RORB: variants seen among roughly 807,000 people sequenced by gnomAD.
RORB encodes RAR related orphan receptor B.
Under a neutral mutation model 59.1 loss-of-function variants are expected in RORB, and 6 were observed. The observed-to-expected ratio is 0.10, with a 90% CI of 0.06 to 0.20. RORB has a LOEUF of 0.20. Ranked by LOEUF, RORB falls within the 10% of genes least tolerant of loss-of-function variation. The pLI is 1.00. For synonymous variants in RORB, 215 were observed against 204.5 expected, an observed-to-expected ratio of 1.05 and a Z score of -0.44; for missense variants, 320 against 560.5, an observed-to-expected ratio of 0.57 and a Z score of 4.33.
intron 3 of RORB, among the ~76,000 whole-genome samples, chr9:74,640,485 A>G (rs545673915): frequency 3.2e-4 from 49 of 151,998 alleles, no homozygotes; most frequent in South Asian, 1.9e-3. Flanking sequence ...GGGTTTCACC[A>G]CGTTAGCCAG....
intron 1 of RORB, among the ~76,000 whole-genome samples, chr9:74,606,242 A>G (rs963641853): frequency 6.6e-6 from 1 of 152,238 alleles, no homozygotes; most frequent in African/African-American, 2.4e-5. Context: ...TCAGAAAATG[A>G]AGACAATGAA....
chr9:74,576,013 AGT>A (rs1822629365), intron 1 of RORB, among the ~76,000 whole-genome samples: 1 of 152,086 alleles, frequency 6.6e-6, no homozygotes, highest in South Asian at 2.1e-4. Context: ...AAACCAAAGG[AGT>A]GTGTTTCCAG....
intron 3 of RORB, among the ~76,000 whole-genome samples, chr9:74,641,274 T>A (rs1442213899): frequency 1.3e-5 from 2 of 152,174 alleles, no homozygotes; most frequent in Non-Finnish European, 2.9e-5. Context: ...TCACAACAGT[T>A]CAGGAGGTTA....
intron 1 of RORB, among the ~76,000 whole-genome samples, chr9:74,506,738 T>A (rs1284595353): frequency 6.6e-6 from 1 of 152,098 alleles, no homozygotes; most frequent in Non-Finnish European, 1.5e-5. Flanking sequence ...TTAGCATGAA[T>A]CTCATCTTCA....
chr9:74,583,574 T>C (rs866724888), intron 1 of RORB, among the ~76,000 whole-genome samples: 1 of 151,772 alleles, frequency 6.6e-6, no homozygotes, highest in Non-Finnish European at 1.5e-5. Context: ...TGCCAAATGA[T>C]TGTTTTGTCC....
intron 1 of RORB, among the ~76,000 whole-genome samples, chr9:74,566,140 G>A (rs1193464967): frequency 6.6e-6 from 1 of 152,154 alleles, no homozygotes; most frequent in Admixed American, 6.5e-5. Context: ...CACCTCAAAC[G>A]ATGAAAGGAA....
At chr9:74,563,105 G>C (rs1326998188) in intron 1 of RORB, among the ~76,000 whole-genome samples, 1 of 149,538 alleles carries the variant, frequency 6.7e-6, no homozygotes. Context: ...CAATAATGTT[G>C]TTTTTAGCAA....
At chr9:74,563,931 A>T (rs1159896254) in intron 1 of RORB, among the ~76,000 whole-genome samples, 1 of 152,226 alleles carries the variant, frequency 6.6e-6, no homozygotes, top group African/African-American at 2.4e-5. Context: ...GATGTGCTTC[A>T]TAAGTGCCAG....
At chr9:74,590,655 G>T (rs1192750496) in intron 1 of RORB, among the ~76,000 whole-genome samples, 1 of 152,190 alleles carries the variant, frequency 6.6e-6, no homozygotes, top group Non-Finnish European at 1.5e-5. Context: ...AGCCAGCTAG[G>T]GGTTCTGTCT....
At chr9:74,541,279 CAAA>C (rs374556016) in intron 1 of RORB, among the ~76,000 whole-genome samples, 64 of 43,538 alleles carry the variant, frequency 1.5e-3, no homozygotes, top group African/African-American at 1.0e-2. Context: ...GACTCCATCT[CAAA>C]AAAAAAAAAA....
At chr9:74,611,549 T>G (rs774332810) in intron 1 of RORB, among the ~76,000 whole-genome samples, 1 of 152,168 alleles carries the variant, frequency 6.6e-6, no homozygotes, top group African/African-American at 2.4e-5. Flanking sequence ...TTAGGGGAAA[T>G]CATGAGAGTA....
At chr9:74,678,791 T>C (rs1397792677) in intron 9 of RORB, among the ~76,000 whole-genome samples, 1 of 151,990 alleles carries the variant, frequency 6.6e-6, no homozygotes, top group Non-Finnish European at 1.5e-5. Flanking sequence ...ATCCCAGCAT[T>C]TGGGAGGCCG....
intron 1 of RORB, among the ~76,000 whole-genome samples, chr9:74,509,859 GA>G (rs202192044): frequency 4.6e-5 from 7 of 151,080 alleles, no homozygotes; most frequent in African/African-American, 1.5e-4. Flanking sequence ...GCATTATAAA[GA>G]AAAAAAAATT....
chr9:74,594,270 G>A (rs941561999), intron 1 of RORB, among the ~76,000 whole-genome samples: 3 of 152,148 alleles, frequency 2.0e-5, no homozygotes, highest in African/African-American at 7.2e-5. Context: ...GTGCATGTAT[G>A]AACACTGCAT....
At chr9:74,514,412 C>A (rs542798874) in intron 1 of RORB, among the ~76,000 whole-genome samples, 1 of 152,046 alleles carries the variant, frequency 6.6e-6, no homozygotes, top group African/African-American at 2.4e-5. Context: ...TAGCCACAGT[C>A]AATGTGTAAA....
chr9:74,600,801 AATAATGT>A (rs1255070812), intron 1 of RORB, among the ~76,000 whole-genome samples: 5 of 152,200 alleles, frequency 3.3e-5, no homozygotes, highest in Admixed American at 3.3e-4. Flanking sequence ...GAATATCTAA[AATAATGT>A]ATAGTTTACC....
chr9:74,501,532 C>T (rs1825803674), intron 1 of RORB, among the ~76,000 whole-genome samples: 1 of 152,096 alleles, frequency 6.6e-6, no homozygotes, highest in African/African-American at 2.4e-5. Context: ...TTAATAATTG[C>T]TCATTAAGTA....
intron 1 of RORB, among the ~76,000 whole-genome samples, chr9:74,598,743 T>C (rs1823010686): frequency 6.6e-6 from 1 of 152,204 alleles, no homozygotes; most frequent in African/African-American, 2.4e-5. Context: ...TCCTGTTTAG[T>C]GTCACTACGA....
intron 1 of RORB, among the ~76,000 whole-genome samples, chr9:74,535,061 A>G (rs1452745694): frequency 6.6e-6 from 1 of 152,100 alleles, no homozygotes; most frequent in Non-Finnish European, 1.5e-5. Context: ...GCGCATCACA[A>G]GACTGGCAAT....
Sources: allele counts gnomAD v4.1 joint callset (sites outside exome capture counted in the v4.1 genomes callset), GRCh38; gene constraint gnomAD v4.1.1; transcripts MANE v1.5; gene names NCBI Gene and HGNC (gene_info 2026-07-23, HGNC 2026-07-21).